Variants in CDK12 observed in about 807,000 individuals in gnomAD.
CDK12 encodes the protein cyclin dependent kinase 12, also known as cyclin-dependent kinase 12.
Under a neutral mutation model 133.8 loss-of-function variants are expected in CDK12, and 17 were observed. That is an observed-to-expected ratio of 0.13 (90% CI 0.09 to 0.19). The LOEUF is 0.19. Among genes scored for constraint, CDK12 ranks in the 10% least tolerant of loss-of-function variants. The pLI is 1.00. For missense variants in CDK12, 1,508 were observed against 1,818.7 expected, an observed-to-expected ratio of 0.83 and a Z score of 3.11; for synonymous variants, 694 against 683.6, an observed-to-expected ratio of 1.02 and a Z score of -0.24.
At chr17:39,555,072 T>C (rs1291148752) in intron 2 of CDK12, among the ~76,000 whole-genome samples, 1 of 151,492 alleles carries the variant, frequency 6.6e-6, no homozygotes, top group Non-Finnish European at 1.5e-5. Context: ...GGTGAAACCC[T>C]GTCTCTATTA....
chr17:39,492,309 G>A (rs927254993), intron 3 of CDK12, among the ~76,000 whole-genome samples: 27 of 150,720 alleles, frequency 1.8e-4, no homozygotes, highest in Non-Finnish European at 2.4e-4. Context: ...TGTTAGCCAG[G>A]ATGGTCTCTA....
At chr17:39,505,776 T>C (rs2053078265) in intron 6 of CDK12, among the ~76,000 whole-genome samples, 1 of 152,180 alleles carries the variant, frequency 6.6e-6, no homozygotes, top group Non-Finnish European at 1.5e-5. Context: ...TGCAACCTGT[T>C]TATATGGAGT....
chr17:39,469,831 T>A (rs1295899163), intron 1 of CDK12, among the ~76,000 whole-genome samples: 1 of 151,886 alleles, frequency 6.6e-6, no homozygotes, highest in Admixed American at 6.6e-5. Flanking sequence ...GAGACGGGGT[T>A]TCTCCATGTT....
chr17:39,495,299 C>A (rs1057419383), intron 5 of CDK12, among the ~76,000 whole-genome samples: 1 of 150,296 alleles, frequency 6.7e-6, no homozygotes, highest in African/African-American at 2.5e-5. Context: ...GCTGGTCTCA[C>A]ACTCCTGACC....
In CDK12 at chr17:39,492,432, G is replaced by T. The variant is rs1454038516; in HGVS notation, c.2109-319G>T. ...CTTTTTTTTTTTTCTTTTTGAGAGGGTGTCTTGCTCTGTCGCCCAGGCTGG... is the reference window on the plus strand; with the variant it reads ...CTTTTTTTTTTTTCTTTTTGAGAGGTTGTCTTGCTCTGTCGCCCAGGCTGG... On this transcript the variant is annotated intron_variant, in intron 3 of 13. Transcript: ENST00000447079. Among the ~76,000 whole-genome samples, 6 of 141,474 alleles carry T rather than the reference G, an allele frequency of 4.2e-5. No individual in the cohort carries two copies. The East Asian group carries it at 1.1e-3, about 25-fold the overall frequency. The allele number at this position is 141,474 out of a possible 152,430, so 92.8% of individuals were successfully genotyped here.
intron 4 of CDK12, among the ~76,000 whole-genome samples, chr17:39,493,932 GT>G (rs1327837676): frequency 1.3e-5 from 2 of 151,976 alleles, no homozygotes; most frequent in Non-Finnish European, 2.9e-5. Flanking sequence ...GTAGGCGGAG[GT>G]TGCAATGAGC....
intron 2 of CDK12, among the ~76,000 whole-genome samples, chr17:39,472,714 A>G (rs1234238956): frequency 6.6e-6 from 1 of 152,162 alleles, no homozygotes; most frequent in East Asian, 1.9e-4. Flanking sequence ...AACGTTCTAT[A>G]TAATTACAAT....
At chr17:39,562,835 C>T (rs534493652) in intron 3 of CDK12, among the ~76,000 whole-genome samples, 1 of 150,548 alleles carries the variant, frequency 6.6e-6, no homozygotes, top group Non-Finnish European at 1.5e-5. Context: ...AACGCATTTT[C>T]CTCTCTCATT....
chr17:39,510,934 G>A (rs1250924589), intron 7 of CDK12, among the ~76,000 whole-genome samples: 1 of 127,412 alleles, frequency 7.8e-6, no homozygotes, highest in Non-Finnish European at 1.7e-5. Context: ...TTTTTTAATA[G>A]GCCAGGCGTG....
At chr17:39,541,139 TTTC>T (rs2055390960) in intron 1 of CDK12, among the ~76,000 whole-genome samples, 1 of 148,972 alleles carries the variant, frequency 6.7e-6, no homozygotes, top group African/African-American at 2.5e-5. Context: ...ATGTCCCTGC[TTTC>T]TTCTTCCCAT....
rs2054962120 is a variant in CDK12, at chr17:39,533,122, CTTACTTGAAGACTGTT to C, written c.*1809_*1824del. 4.3e-6 allele frequency: 1 copy of C among 231,610 alleles called. No homozygotes were observed. The highest frequency in any genetic ancestry group is 5.7e-5 in the Admixed American group (1 of 17,698). 14.3% of individuals were successfully genotyped at this position (231,610 alleles called of 1,614,324 possible). ...ATGAAAGAAGAACCCTCTTCAGATA[CTTACTTGAAGACTGTT>C]TTCCCCTGTTAATGAGATATAGCTA... On this transcript the variant is annotated 3_prime_UTR_variant, in exon 14 of 14. Transcript: ENST00000447079.
rs1189064399 is a variant in CDK12 at position 39,527,870 on chromosome 17, A to C, written c.3760+1554A>C. Among the ~76,000 whole-genome samples the C allele has an allele frequency of 1.3e-4, 19 of 150,964 alleles. 1 individual carries two copies. Among genetic ancestry groups the C allele is most frequent in the Admixed American group, 1.3e-3 (19 of 15,144 alleles). ...CCTGAAGTTTTAAATTTATTTTTACATTTCAATAATACATCCTTATTGTTG... is the reference window on the plus strand; with the variant it reads ...CCTGAAGTTTTAAATTTATTTTTACCTTTCAATAATACATCCTTATTGTTG... On this transcript the variant is annotated intron_variant, in intron 13 of 13. Coordinates refer to ENST00000447079, the MANE Select transcript of CDK12 (RefSeq NM_016507.4).
intron 2 of CDK12, among the ~76,000 whole-genome samples, chr17:39,479,218 G>C (rs2050443516): frequency 6.7e-6 from 1 of 148,636 alleles, no homozygotes; most frequent in Non-Finnish European, 1.5e-5. Context: ...TGAGGCAGGA[G>C]AATGGCATGA....
intron 13 of CDK12, among the ~76,000 whole-genome samples, chr17:39,527,876 A>G (rs1002147618): frequency 2.6e-5 from 4 of 151,668 alleles, no homozygotes; most frequent in Non-Finnish European, 5.9e-5. Context: ...TTACATTTCA[A>G]TAATACATCC....
At chr17:39,481,241 G>A (rs537767692) in intron 2 of CDK12, among the ~76,000 whole-genome samples, 4 of 133,598 alleles carry the variant, frequency 3.0e-5, no homozygotes, top group Admixed American at 8.0e-5. Context: ...CAACAAGAGC[G>A]AAACTCCGTC....
rs2054854976 is a variant in CDK12, at chr17:39,531,692, T to G, written c.*376T>G. ...AGATGGCTCAGGAGAGGCTCTTTGA[T>G]TTTTAAAGTTTTGGGGTGGGGGATT... On this transcript the variant is annotated 3_prime_UTR_variant, in exon 14 of 14. Coordinates refer to ENST00000447079, the MANE Select transcript of CDK12 (RefSeq NM_016507.4). 1 of 249,078 alleles carries G rather than the reference T, an allele frequency of 4.0e-6. No homozygotes were observed. Among genetic ancestry groups the G allele is most frequent in the Non-Finnish European group, 7.7e-6 (1 of 129,226 alleles). The allele number at this position is 249,078 out of a possible 1,614,324, so 15.4% of individuals were successfully genotyped here. A position where few individuals can be genotyped will look rare whatever the true frequency, so the allele number is the denominator to read the frequency against.
rs11489942 is a variant in CDK12 at position 39,493,166 on chromosome 17, G to T, written c.2248+276G>T. Among the ~76,000 whole-genome samples, 8,060 of 132,418 alleles carry T rather than the reference G, an allele frequency of 0.061. 249 individuals are homozygous for T. Among genetic ancestry groups the T allele is most frequent in the Non-Finnish European group, 0.083 (5,328 of 64,290 alleles). The allele number at this position is 132,418 out of a possible 152,430, so 86.9% of individuals were successfully genotyped here. A position where few individuals can be genotyped will look rare whatever the true frequency, so the allele number is the denominator to read the frequency against. ...GCGCAACCACACTCGACTAATTTTTGTTTTTTTTTTTTTTTTAGTAGAAAC... is the reference window on the plus strand; with the variant it reads ...GCGCAACCACACTCGACTAATTTTTTTTTTTTTTTTTTTTTTAGTAGAAAC... On this transcript the variant is annotated intron_variant, in intron 4 of 13. Coordinates refer to ENST00000447079, the MANE Select transcript of CDK12 (RefSeq NM_016507.4).
chr17:39,463,651 C>T (rs1597897788), intron 1 of CDK12, among the ~76,000 whole-genome samples: 1 of 151,854 alleles, frequency 6.6e-6, no homozygotes, highest in Non-Finnish European at 1.5e-5. Flanking sequence ...TGTCTTTTAA[C>T]TGATGTTTTA....
At chr17:39,496,176 G>A (rs72827112) in intron 5 of CDK12, among the ~76,000 whole-genome samples, 50,422 of 151,980 alleles carry the variant, frequency 0.33, 9,640 homozygotes, top group South Asian at 0.51. Context: ...CTGCCAAAGA[G>A]CAGGGATGAC....
Sources: allele counts gnomAD v4.1 joint callset (sites outside exome capture counted in the v4.1 genomes callset), GRCh38; gene constraint gnomAD v4.1.1; transcripts MANE v1.5; gene names NCBI Gene and HGNC (gene_info 2026-07-23, HGNC 2026-07-21).